Variants in RELB observed in about 807,000 individuals in gnomAD.
RELB encodes RELB proto-oncogene, NF-kB subunit.
A neutral mutation model predicts 55.4 loss-of-function variants in RELB; 14 were observed. The ratio of observed to expected loss-of-function variants is 0.25; its 90% CI spans 0.17 to 0.40. RELB has a LOEUF of 0.40. Ranked by LOEUF, RELB falls within the 10% of genes least tolerant of loss-of-function variation. The pLI is 1.00. For missense variants in RELB, 669 were observed against 830.7 expected (o/e 0.81, Z 2.39); for synonymous variants, 409 against 371.3 (o/e 1.10, Z -1.17).
intron 4 of RELB, among the ~76,000 whole-genome samples, chr19:45,020,479 A>G (rs957102216): frequency 7.5e-5 from 11 of 146,408 alleles, no homozygotes; most frequent in African/African-American, 2.8e-4. Context: ...CTCCCAAAGT[A>G]CTGGGATTAC....
At position 45,023,740 on chromosome 19, in the gene RELB, CTTTTTTTTTT is replaced by C. The variant is rs1168078618; in HGVS notation, c.662+1549_662+1558del. ...GGTGTGAGCCCACTGTGCCCAGCCT[CTTTTTTTTTT>C]TTTTTTTTTTTTTTTTTTGAGACCG... On this transcript the variant is annotated intron_variant, in intron 5 of 11. Coordinates refer to ENST00000221452, the MANE Select transcript of RELB (RefSeq NM_006509.4). 2.9e-4 allele frequency among the ~76,000 whole-genome samples: 11 copies of C among 38,386 alleles called. No homozygotes were observed. The East Asian group carries it at 3.6e-3, about 13-fold the overall frequency. 25.2% of individuals were successfully genotyped at this position (38,386 alleles called of 152,430 possible).
Position 45,012,230 on chromosome 19 carries a change from T to C in RELB, c.458T>C (p.Leu153Pro), listed in dbSNP as rs1971370530. The C allele has an allele frequency of 1.3e-6, 2 of 1,481,986 alleles. No individual in the cohort carries two copies. The highest frequency in any genetic ancestry group is 2.6e-5 in the East Asian group (1 of 38,134). 91.8% of individuals were successfully genotyped at this position (1,481,986 alleles called of 1,614,324 possible). The change falls in exon 4 of 12, where the codon CTT (leucine) becomes CCT (proline). Residue 153 changes from leucine to proline, a missense_variant. Around this residue, in one of 3 missense-constraint regions of RELB, gnomAD observed 323 missense variants for 368.5 expected, o/e 0.88. Coordinates refer to ENST00000221452, the MANE Select transcript of RELB (RefSeq NM_006509.4). ...GAGGGCCGCTCGGCCGGCAGCATCC[T>C]TGGGGAGAGCAGCACCGAGGCCAGC... Reference protein sequence around the residue: ...ECEGRSAGSILGESSTEASKT... With the variant: ...ECEGRSAGSIPGESSTEASKT...
In RELB at chr19:45,032,625, C is replaced by T; in HGVS notation, c.1083C>T (p.Phe361=). ...ADVHRQIAIV[F]KTPPYEDLEI... ...TGCACCGCCAGATTGCCATTGTGTT[C>T]AAGACGCCGCCCTACGAGGACCTGG... The change falls in exon 9 of 12, where the codon TTC becomes TTT. Residue 361 remains phenylalanine, a synonymous_variant. Coordinates refer to ENST00000221452, the MANE Select transcript of RELB (RefSeq NM_006509.4). 6.2e-7 allele frequency: 1 copy of T among 1,613,346 alleles called. No homozygotes were observed. Among genetic ancestry groups the T allele is most frequent in the South Asian group, 1.1e-5 (1 of 90,912 alleles).
chr19:45,015,699 C>T (rs933799696), intron 4 of RELB, among the ~76,000 whole-genome samples: 1 of 149,132 alleles, frequency 6.7e-6, no homozygotes. Context: ...CACACCACTG[C>T]ACTCCAGTCT....
chr19:45,027,174 A>AATT (rs1376070611), intron 7 of RELB, among the ~76,000 whole-genome samples: 1 of 150,232 alleles, frequency 6.7e-6, no homozygotes, highest in Non-Finnish European at 1.5e-5. Flanking sequence ...CGGAGCTTGC[A>AATT]GTGAGCCGAG....
rs765467141 is a variant in RELB at position 45,012,286 on chromosome 19, G to C, written c.504+10G>C. 4.4e-5 allele frequency: 61 copies of C among 1,392,538 alleles called. No homozygotes were observed. Among genetic ancestry groups the C allele is most frequent in the Middle Eastern group, 2.6e-4 (1 of 3,820 alleles). The allele number at this position is 1,392,538 out of a possible 1,614,324, so 86.3% of individuals were successfully genotyped here. On this transcript the variant is annotated intron_variant, in intron 4 of 11. Coordinates refer to ENST00000221452, the MANE Select transcript of RELB (RefSeq NM_006509.4). ...GCTGCCCGCCATCGAGGTGGGCCCG[G>C]CGAGCGGCCCCGGGCGGGTGGGACT...
intron 7 of RELB, among the ~76,000 whole-genome samples, chr19:45,027,219 C>T (rs529952492): frequency 1.7e-3 from 215 of 127,016 alleles, no homozygotes; most frequent in Admixed American, 0.011. Context: ...GGCAACAGAG[C>T]GAGACTCCTT....
Position 45,007,762 on chromosome 19 carries a change from G to A in RELB, c.155-2052G>A, listed in dbSNP as rs184719256. ...AATCCCAGCTACTCAGGAGGCTGAG[G>A]CAGGAGAATCGCTAGAACCCGGGAG... On this transcript the variant is annotated intron_variant, in intron 2 of 11. Coordinates refer to ENST00000221452, the MANE Select transcript of RELB (RefSeq NM_006509.4). Among the ~76,000 whole-genome samples, 557 of 151,992 alleles carry A rather than the reference G, an allele frequency of 3.7e-3. 4 individuals carry two copies. Among genetic ancestry groups the A allele is most frequent in the African/African-American group, 0.012 (496 of 41,442 alleles).
At chr19:45,007,762 G>T (rs184719256) in intron 2 of RELB, among the ~76,000 whole-genome samples, 1 of 151,890 alleles carries the variant, frequency 6.6e-6, no homozygotes, top group Non-Finnish European at 1.5e-5. Flanking sequence ...GGAGGCTGAG[G>T]CAGGAGAATC....
chr19:45,036,563 TCTC>T (rs1330971348), intron 11 of RELB, among the ~76,000 whole-genome samples: 1 of 152,136 alleles, frequency 6.6e-6, no homozygotes, highest in Non-Finnish European at 1.5e-5. Context: ...TGGAACCTCT[TCTC>T]CTTTCTCACT....
At chr19:45,037,298 A>AT in intron 11 of RELB, 107 bp from the exon 12 acceptor site, 2 of 1,170,262 alleles carry the variant, frequency 1.7e-6, no homozygotes, top group Non-Finnish European at 2.3e-6. Flanking sequence ...AAAAAAAAAA[A>AT]GGCCACCTTG....
At chr19:45,023,399 T>TCCTTCCTC in intron 5 of RELB, among the ~76,000 whole-genome samples, 1 of 149,626 alleles carries the variant, frequency 6.7e-6, no homozygotes, top group Non-Finnish European at 1.5e-5. Flanking sequence ...TTTCTTTCCT[T>TCCTTCCTC]CCTTCCTTCC....
intron 8 of RELB, 41 bp from the exon 9 acceptor site, chr19:45,032,493 C>G (rs1280352434): frequency 6.6e-7 from 1 of 1,519,050 alleles, no homozygotes; most frequent in Non-Finnish European, 9.0e-7. Context: ...CACAGTGGTC[C>G]AGATGTCCTG....
At chr19:45,021,837 C>G (rs1032261685) in intron 4 of RELB, 1 of 454,822 alleles carries the variant, frequency 2.2e-6, no homozygotes, top group African/African-American at 2.0e-5. Flanking sequence ...GGCCTTCCAA[C>G]GTGCTGGGAT....
chr19:45,037,886 C>A lies in RELB; in HGVS notation c.*96C>A, dbSNP rs1600086913. 1 of 1,227,786 alleles carries A rather than the reference C, an allele frequency of 8.1e-7. No homozygotes were observed. Among genetic ancestry groups the A allele is most frequent in the East Asian group, 2.9e-5 (1 of 35,044 alleles). The allele number at this position is 1,227,786 out of a possible 1,614,324, so 76.1% of individuals were successfully genotyped here. A position where few individuals can be genotyped will look rare whatever the true frequency, so the allele number is the denominator to read the frequency against. ...GTCTAGCACCCCCATCCCCTTGGCCCTTCCTCATGCTTCTGAAGTGGACAT... is the reference window on the plus strand; with the variant it reads ...GTCTAGCACCCCCATCCCCTTGGCCATTCCTCATGCTTCTGAAGTGGACAT... On this transcript the variant is annotated 3_prime_UTR_variant, in exon 12 of 12. Coordinates refer to ENST00000221452, the MANE Select transcript of RELB (RefSeq NM_006509.4).
In RELB at chr19:45,011,787, TGTGTGTGTGTGAGAGAGAGAGAGAGA is replaced by T. The variant is rs1253509467; in HGVS notation, c.164-147_164-122del. 27 of 334,036 alleles carry T rather than the reference TGTGTGTGTGTGAGAGAGAGAGAGAGA, an allele frequency of 8.1e-5. No individual in the cohort carries two copies. In the African/African-American group the frequency reaches 1.3e-3, roughly 16 times the overall value. 20.7% of individuals were successfully genotyped at this position (334,036 alleles called of 1,614,324 possible). ...GTGTGTGTGTGTGTGTGTGTGTGTG[TGTGTGTGTGTGAGAGAGAGAGAGAGA>T]GAGAGAGAGAGAGAGAGAGAGATAA... On this transcript the variant is annotated intron_variant, in intron 3 of 11. Transcript: ENST00000221452.
intron 2 of RELB, chr19:45,008,314 C>A: frequency 2.4e-6 from 1 of 416,902 alleles, no homozygotes; most frequent in Non-Finnish European, 4.9e-6. Flanking sequence ...CTTATGGCCC[C>A]ACAACTAGCA....
At chr19:45,001,783 C>G in intron 1 of RELB, 98 bp downstream of exon 1, 1 of 716,460 alleles carries the variant, frequency 1.4e-6, no homozygotes, top group Non-Finnish European at 2.2e-6. Flanking sequence ...CTATGGGAGT[C>G]TAAGGGTTTC....
intron 8 of RELB, among the ~76,000 whole-genome samples, chr19:45,029,370 CCACTT>C (rs1287206306): frequency 6.6e-6 from 1 of 152,058 alleles, no homozygotes; most frequent in Non-Finnish European, 1.5e-5. Flanking sequence ...AGAAGCAACT[CCACTT>C]CATTCATCTC....
Sources: gnomAD v4.1 joint callset for allele counts (sites outside exome capture counted in the v4.1 genomes callset) on GRCh38, gnomAD v4.1.1 for gene constraint, gnomAD v4.1.1 regional missense constraint, MANE v1.5 for transcripts, NCBI Gene and HGNC (gene_info 2026-07-23, HGNC 2026-07-21) for gene names.